The following CDH12 variants were observed in gnomAD, a reference collection of about 807,000 sequenced individuals.
The protein encoded by CDH12 is cadherin 12, also known as cadherin-12.
CDH12 carries 41 observed loss-of-function variants against 74.1 expected under a neutral mutation model. The observed-to-expected ratio is 0.55, with a 90% confidence interval of 0.43 to 0.72. The LOEUF (loss-of-function observed/expected upper bound fraction) is 0.72. CDH12 is among the 30% of genes least tolerant of loss of function. CDH12 has a pLI of 0.00. For synonymous variants in CDH12, 399 were observed against 355.0 expected (o/e 1.12, Z -1.39); for missense variants, 945 against 977.2 (o/e 0.97, Z 0.44).
chr5:22,023,515 T>A (rs1337367529), intron 5 of CDH12, among the ~76,000 whole-genome samples: 2 of 152,050 alleles, frequency 1.3e-5, no homozygotes, highest in East Asian at 3.9e-4. Context: ...TATTTGTGTG[T>A]GTGTGTATAT....
At chr5:22,414,727 A>G (rs941884997) in intron 2 of CDH12, among the ~76,000 whole-genome samples, 2 of 151,988 alleles carry the variant, frequency 1.3e-5, no homozygotes, top group African/African-American at 4.8e-5. Flanking sequence ...TATAGTTTCA[A>G]CCATAATTAT....
intron 1 of CDH12, among the ~76,000 whole-genome samples, chr5:22,718,480 C>A (rs573586885): frequency 6.6e-6 from 1 of 152,232 alleles, no homozygotes; most frequent in East Asian, 1.9e-4. Context: ...TGAAAACAAA[C>A]CAAGTAAAGG....
At chr5:21,970,771 C>T (rs1253084625) in intron 6 of CDH12, among the ~76,000 whole-genome samples, 1 of 126,784 alleles carries the variant, frequency 7.9e-6, no homozygotes, top group Non-Finnish European at 1.6e-5. Context: ...ACCTGGAAGG[C>T]AGAGGTTGCA....
At chr5:21,998,048 A>C (rs1487734588) in intron 5 of CDH12, among the ~76,000 whole-genome samples, 2 of 152,104 alleles carry the variant, frequency 1.3e-5, no homozygotes, top group Admixed American at 1.3e-4. Context: ...AGATGGTTTA[A>C]GGCTACAACA....
chr5:22,823,633 C>A (rs1749845923), intron 1 of CDH12, among the ~76,000 whole-genome samples: 1 of 152,098 alleles, frequency 6.6e-6, no homozygotes, highest in Admixed American at 6.6e-5. Context: ...AATCTCTTCT[C>A]AAATTGTAAT....
At chr5:22,705,528 C>CACACACAA (rs1251120024) in intron 1 of CDH12, among the ~76,000 whole-genome samples, 2 of 151,244 alleles carry the variant, frequency 1.3e-5, no homozygotes, top group African/African-American at 2.4e-5. Context: ...CACACACACA[C>CACACACAA]AAACACACAC....
chr5:22,056,878 A>G (rs1367805154), intron 5 of CDH12, among the ~76,000 whole-genome samples: 2 of 152,178 alleles, frequency 1.3e-5, no homozygotes, highest in Non-Finnish European at 2.9e-5. Flanking sequence ...GCCGGAAAAG[A>G]GCCGACAATT....
chr5:22,008,006 A>G (rs572299246), intron 5 of CDH12, among the ~76,000 whole-genome samples: 42 of 152,290 alleles, frequency 2.8e-4, no homozygotes, highest in African/African-American at 9.9e-4. Context: ...AAAGAGAGAA[A>G]ATAGGAGCTC....
rs531261229 is a variant in CDH12 at position 22,285,375 on chromosome 5, T to A, written c.-332-72732A>T. Among the ~76,000 whole-genome samples the A allele has an allele frequency of 3.9e-5, 6 of 152,296 alleles. No homozygotes were observed. The South Asian group carries it at 8.3e-4, about 21-fold the overall frequency. ...TTCCCAGCTAAATTTCAGAATTTTATGTATATGAGTGTCTAGACATGGATA... is the reference window on the plus strand; with the variant it reads ...TTCCCAGCTAAATTTCAGAATTTTAAGTATATGAGTGTCTAGACATGGATA... On this transcript the variant is annotated intron_variant, in intron 3 of 14. Transcript: ENST00000382254.
At chr5:22,784,246 A>C (rs1273052229) in intron 1 of CDH12, among the ~76,000 whole-genome samples, 1 of 152,088 alleles carries the variant, frequency 6.6e-6, no homozygotes, top group Non-Finnish European at 1.5e-5. Flanking sequence ...ATGTTATATC[A>C]CTAGCAGATT....
chr5:22,811,192 C>A (rs1354387426), intron 1 of CDH12, among the ~76,000 whole-genome samples: 1 of 151,568 alleles, frequency 6.6e-6, no homozygotes, highest in Non-Finnish European at 1.5e-5. Flanking sequence ...GATGGACAGT[C>A]ATGAAGTACG....
At chr5:22,760,845 A>G (rs1309531323) in intron 1 of CDH12, among the ~76,000 whole-genome samples, 2 of 152,162 alleles carry the variant, frequency 1.3e-5, no homozygotes, top group Non-Finnish European at 2.9e-5. Context: ...TACCAGATAT[A>G]CAACTGTGGT....
intron 3 of CDH12, among the ~76,000 whole-genome samples, chr5:22,327,961 CA>C (rs1386618816): frequency 6.6e-6 from 1 of 152,110 alleles, no homozygotes; most frequent in Non-Finnish European, 1.5e-5. Flanking sequence ...TATATCCATT[CA>C]AAAACAGATA....
intron 1 of CDH12, among the ~76,000 whole-genome samples, chr5:22,544,510 G>A (rs1738234045): frequency 6.6e-6 from 1 of 152,022 alleles, no homozygotes; most frequent in Non-Finnish European, 1.5e-5. Flanking sequence ...AGAGTGAGTA[G>A]CAGGTATATT....
chr5:22,627,941 T>C (rs269001), intron 1 of CDH12, among the ~76,000 whole-genome samples: 84,504 of 151,872 alleles, frequency 0.56, 23,832 homozygotes, highest in East Asian at 0.68. Flanking sequence ...GATTAATATT[T>C]TAATTTCAGA....
intron 8 of CDH12, among the ~76,000 whole-genome samples, chr5:21,840,786 G>T (rs1405424603): frequency 1.3e-5 from 2 of 152,082 alleles, no homozygotes; most frequent in Admixed American, 1.3e-4. Context: ...AATGGTGCTG[G>T]GAAAACTGGC....
intron 3 of CDH12, among the ~76,000 whole-genome samples, chr5:22,317,416 A>T (rs1406133790): frequency 1.3e-5 from 2 of 152,166 alleles, no homozygotes; most frequent in African/African-American, 2.4e-5. Flanking sequence ...TATATTATGC[A>T]CATATAAACA....
At chr5:21,880,378 A>C (rs546776956) in intron 6 of CDH12, among the ~76,000 whole-genome samples, 335 of 152,268 alleles carry the variant, frequency 2.2e-3, no homozygotes, top group Non-Finnish European at 3.5e-3. Flanking sequence ...TAGGGCACTA[A>C]GTTCTTGTCT....
chr5:21,759,099 G>A (rs952651542), intron 13 of CDH12, among the ~76,000 whole-genome samples: 24 of 152,010 alleles, frequency 1.6e-4, no homozygotes, highest in Middle Eastern at 6.3e-3. Flanking sequence ...AAAGTGCTAG[G>A]ATTCAGTGCT....
Sources: gnomAD v4.1 joint callset for allele counts (sites outside exome capture counted in the v4.1 genomes callset) on GRCh38, gnomAD v4.1.1 for gene constraint, MANE v1.5 for transcripts, NCBI Gene and HGNC (gene_info 2026-07-23, HGNC 2026-07-21) for gene names.